Variants in TMPRSS15 observed in about 807,000 individuals in gnomAD.
TMPRSS15 encodes transmembrane serine protease 15, also known as enteropeptidase.
Under a neutral mutation model 125.3 loss-of-function variants are expected in TMPRSS15, and 128 were observed. The observed-to-expected ratio is 1.02, with a 90% CI of 0.89 to 1.18. The LOEUF is 1.18. Ranked by LOEUF, TMPRSS15 falls within the 50% of genes most tolerant of loss-of-function variation. The probability of loss-of-function intolerance (pLI) is 0.00; values close to 1 mark genes in which losing one functional copy is unlikely to be tolerated. For missense variants in TMPRSS15, 1,283 were observed against 1,212.7 expected (o/e 1.06, Z -0.86); for synonymous variants, 446 against 423.2 (o/e 1.05, Z -0.66).
chr21:18,432,225 C>T (rs910555215), intron 1 of TMPRSS15, among the ~76,000 whole-genome samples: 1 of 152,130 alleles, frequency 6.6e-6, no homozygotes, highest in African/African-American at 2.4e-5. Context: ...AGCCATATTC[C>T]AAGAGTTTTC....
At chr21:18,413,522 A>C (rs1478692077) in intron 1 of TMPRSS15, among the ~76,000 whole-genome samples, 1 of 150,110 alleles carries the variant, frequency 6.7e-6, no homozygotes, top group Non-Finnish European at 1.5e-5. Context: ...GGTTCAAGCA[A>C]TTCTCTGCCT....
chr21:18,413,463 G>C (rs2076172578), intron 1 of TMPRSS15, among the ~76,000 whole-genome samples: 1 of 150,114 alleles, frequency 6.7e-6, no homozygotes, highest in Non-Finnish European at 1.5e-5. Context: ...TGTCACCCAG[G>C]CTGGAGTGCA....
intron 16 of TMPRSS15, among the ~76,000 whole-genome samples, chr21:18,321,630 C>A (rs760718310): frequency 3.9e-5 from 6 of 152,102 alleles, no homozygotes; most frequent in Non-Finnish European, 7.4e-5. Flanking sequence ...GGGTTACGGG[C>A]GTGAGCCACG....
Position 18,329,463 on chromosome 21 carries a change from G to T in TMPRSS15, c.1655-169C>A, listed in dbSNP as rs5842684. On this transcript the variant is annotated intron_variant, in intron 14 of 24. Coordinates refer to ENST00000284885, the MANE Select transcript of TMPRSS15 (RefSeq NM_002772.3). Reference sequence around the variant, plus strand: ...TTTTTCTTTTCATTATTTTTTTTTTGGTAAGAAAATATATTGGTTTAGTCA... The same window carrying T: ...TTTTTCTTTTCATTATTTTTTTTTTTGTAAGAAAATATATTGGTTTAGTCA... Among the ~76,000 whole-genome samples, 461 of 49,044 alleles carry T rather than the reference G, an allele frequency of 9.4e-3. 1 individual carries two copies. Among genetic ancestry groups the T allele is most frequent in the Non-Finnish European group, 0.014 (311 of 22,664 alleles). The allele number at this position is 49,044 out of a possible 152,430, so 32.2% of individuals were successfully genotyped here.
chr21:18,383,908 G>A (rs1395752464), intron 3 of TMPRSS15, 130 bp from the exon 4 acceptor site: 5 of 1,071,146 alleles, frequency 4.7e-6, no homozygotes, highest in Non-Finnish European at 5.5e-6. Context: ...ACCTGTGTAA[G>A]GTAGTCACTT....
At chr21:18,275,722 C>G (rs1006591804) in intron 23 of TMPRSS15, among the ~76,000 whole-genome samples, 8 of 152,174 alleles carry the variant, frequency 5.3e-5, no homozygotes, top group African/African-American at 1.2e-4. Flanking sequence ...TTTCATTTGG[C>G]ACCTGAGGAG....
rs142902053 is a variant in TMPRSS15 at position 18,299,445 on chromosome 21, G to A, written c.2166-1616C>T. On this transcript the variant is annotated intron_variant, in intron 18 of 24. Coordinates refer to ENST00000284885, the MANE Select transcript of TMPRSS15 (RefSeq NM_002772.3). ...GGTAGAAATCCTCACAGTAATCTCA[G>A]CTTTCAAAAATATCAAGGGATGCCA... Among the ~76,000 whole-genome samples the A allele has an allele frequency of 4.7e-3, 716 of 152,270 alleles. 12 individuals are homozygous for A. The highest frequency in any genetic ancestry group is 0.015 in the African/African-American group (638 of 41,550).
intron 21 of TMPRSS15, among the ~76,000 whole-genome samples, chr21:18,286,101 C>G (rs1272092369): frequency 6.6e-6 from 1 of 152,168 alleles, no homozygotes; most frequent in Non-Finnish European, 1.5e-5. Flanking sequence ...AAGGAATCAT[C>G]TTTGAACTCT....
upstream of TMPRSS15, among the ~76,000 whole-genome samples, chr21:18,408,120 T>G (rs1045754493): frequency 6.6e-6 from 1 of 152,178 alleles, no homozygotes; most frequent in African/African-American, 2.4e-5. Context: ...AGAAGAAAAT[T>G]AAGAGTCTGA....
At chr21:18,340,686 GAC>G (rs2075437152) in intron 13 of TMPRSS15, among the ~76,000 whole-genome samples, 1 of 152,106 alleles carries the variant, frequency 6.6e-6, no homozygotes. Context: ...TTTAAAAATA[GAC>G]ACAGTAGGTT....
intron 3 of TMPRSS15, among the ~76,000 whole-genome samples, chr21:18,393,836 A>G (rs2076010280): frequency 6.6e-6 from 1 of 152,214 alleles, no homozygotes; most frequent in African/African-American, 2.4e-5. Flanking sequence ...AGCCTATCAA[A>G]ACAGAGAGAG....
intron 5 of TMPRSS15, among the ~76,000 whole-genome samples, chr21:18,376,388 C>A (rs757162365): frequency 3.9e-5 from 6 of 152,080 alleles, no homozygotes; most frequent in Admixed American, 6.5e-5. Context: ...CCTAAAGTCA[C>A]AATACCTTTG....
intron 1 of TMPRSS15, among the ~76,000 whole-genome samples, chr21:18,484,440 A>G (rs1979039883): frequency 1.3e-5 from 2 of 151,782 alleles, no homozygotes; most frequent in Admixed American, 1.3e-4. Context: ...TAATCAGACT[A>G]TTTCCTTTTC....
At chr21:18,425,005 A>T (rs919133504) in intron 1 of TMPRSS15, among the ~76,000 whole-genome samples, 4 of 150,154 alleles carry the variant, frequency 2.7e-5, no homozygotes, top group African/African-American at 9.8e-5. Context: ...ATATGAATAC[A>T]TATGAATTAA....
chr21:18,316,087 T>C (rs1252924934), intron 16 of TMPRSS15, among the ~76,000 whole-genome samples: 1 of 151,734 alleles, frequency 6.6e-6, no homozygotes. Context: ...GTGGAGCCAG[T>C]TTTGATACTG....
chr21:18,351,586 T>G (rs1003578876), intron 10 of TMPRSS15, among the ~76,000 whole-genome samples: 3 of 152,096 alleles, frequency 2.0e-5, no homozygotes, highest in African/African-American at 7.2e-5. Flanking sequence ...TGCAGCCACG[T>G]AAGACGTGTC....
At chr21:18,407,624 C>T (rs1000195217), upstream of TMPRSS15, among the ~76,000 whole-genome samples, 1 of 151,628 alleles carries the variant, frequency 6.6e-6, no homozygotes, top group Non-Finnish European at 1.5e-5. Flanking sequence ...TTTTCTCTTC[C>T]CCCGCTTTTT....
intron 7 of TMPRSS15, among the ~76,000 whole-genome samples, chr21:18,364,641 T>C (rs2075708793): frequency 1.3e-5 from 2 of 152,116 alleles, no homozygotes; most frequent in African/African-American, 4.8e-5. Context: ...AATGTGGAGG[T>C]GAAATACATA....
chr21:18,288,477 A>T (rs1288836775), intron 21 of TMPRSS15, among the ~76,000 whole-genome samples: 1 of 151,712 alleles, frequency 6.6e-6, no homozygotes, highest in Non-Finnish European at 1.5e-5. Flanking sequence ...ATACATTTAC[A>T]CAAATAGCAT....
Sources: gnomAD v4.1 joint callset for allele counts (sites outside exome capture counted in the v4.1 genomes callset) on GRCh38, gnomAD v4.1.1 for gene constraint, MANE v1.5 for transcripts, NCBI Gene and HGNC (gene_info 2026-07-23, HGNC 2026-07-21) for gene names.